The following PCNX1 variants were observed in gnomAD, a reference collection of about 807,000 sequenced individuals.
The protein encoded by PCNX1 is pecanex 1.
PCNX1 carries 78 observed loss-of-function variants against 242.2 expected under a neutral mutation model. That is an observed-to-expected ratio of 0.32 (90% CI 0.27 to 0.39). The LOEUF (loss-of-function observed/expected upper bound fraction) is 0.39, where lower values mean the gene tolerates loss of function less well. PCNX1 is among the 10% of genes least tolerant of loss of function. The pLI, the probability that PCNX1 is intolerant of heterozygous loss-of-function variation, is 1.00. For synonymous variants in PCNX1, 1,024 were observed against 1,032.9 expected (o/e 0.99, Z 0.17); for missense variants, 2,581 against 2,856.5 (o/e 0.90, Z 2.20).
At chr14:71,065,540 T>C (rs1332850024) in intron 26 of PCNX1, among the ~76,000 whole-genome samples, 2 of 152,216 alleles carry the variant, frequency 1.3e-5, no homozygotes, top group Non-Finnish European at 2.9e-5. Flanking sequence ...GATGGATAGA[T>C]TGCAAAAATT....
intron 13 of PCNX1, 123 bp from the exon 14 acceptor site, chr14:71,025,994 T>C: frequency 6.0e-6 from 3 of 502,692 alleles, no homozygotes; most frequent in Non-Finnish European, 1.0e-5. Flanking sequence ...TCTGTGATTG[T>C]CAGAAATCTG....
intron 26 of PCNX1, among the ~76,000 whole-genome samples, chr14:71,068,440 G>GTATATGTA (rs2061504976): frequency 6.7e-6 from 1 of 148,544 alleles, no homozygotes; most frequent in Non-Finnish European, 1.5e-5. Flanking sequence ...ATATATGTAT[G>GTATATGTA]TATATGTATA....
At chr14:71,073,480 C>G in intron 26 of PCNX1, 65 bp from the exon 27 acceptor site, 1 of 1,440,956 alleles carries the variant, frequency 6.9e-7, no homozygotes. Context: ...TCTTATGTGT[C>G]CTTGCATTCA....
rs1236361767 is a variant in PCNX1, at chr14:71,033,553, T to C, written c.3668+15T>C. The C allele has an allele frequency of 7.6e-7, 1 of 1,318,206 alleles. No individual in the cohort carries two copies. The highest frequency in any genetic ancestry group is 1.9e-5 in the Admixed American group (1 of 54,000). The allele number at this position is 1,318,206 out of a possible 1,614,324, so 81.7% of individuals were successfully genotyped here. A position where few individuals can be genotyped will look rare whatever the true frequency, so the allele number is the denominator to read the frequency against. Reference sequence around the variant, plus strand: ...TCTGTACTTTTGTAAGTGAACTCAATTGTTATTGAATTAAAAGAAATTTAA... The same window carrying C: ...TCTGTACTTTTGTAAGTGAACTCAACTGTTATTGAATTAAAAGAAATTTAA... On this transcript the variant is annotated intron_variant, in intron 17 of 35. Transcript: ENST00000304743.
intron 16 of PCNX1, among the ~76,000 whole-genome samples, chr14:71,030,235 C>T (rs1377722859): frequency 6.6e-6 from 1 of 152,150 alleles, no homozygotes; most frequent in African/African-American, 2.4e-5. Context: ...TTGGCATTTA[C>T]CTGTATAGAT....
Position 70,907,887 on chromosome 14 carries a change from G to T in PCNX1, c.37G>T (p.Val13Leu), listed in dbSNP as rs1161424471. The T allele has an allele frequency of 1.3e-6, 2 of 1,562,106 alleles. No individual in the cohort carries two copies. The highest frequency in any genetic ancestry group is 2.6e-5 in the East Asian group (1 of 38,620). Reference protein sequence around the residue: ...SQTLQILRQGVWAALSGGWYY... With the variant: ...SQTLQILRQGLWAALSGGWYY... ...GACGCTGCAGATCCTCCGACAGGGG[G>T]TGTGGGCCGCGCTCAGCGGGGGCTG... Residue 13 changes from valine to leucine, a missense_variant, in exon 1 of 36, where the codon GTG (valine) becomes TTG (leucine). Val to Leu is a conservative substitution (Grantham distance 32, BLOSUM62 1). Coordinates refer to ENST00000304743, the MANE Select transcript of PCNX1 (RefSeq NM_014982.3).
intron 7 of PCNX1, among the ~76,000 whole-genome samples, chr14:70,992,507 T>C (rs1401173997): frequency 1.3e-5 from 2 of 152,160 alleles, no homozygotes; most frequent in Non-Finnish European, 2.9e-5. Flanking sequence ...GTAATCATAC[T>C]CTTAGACTTT....
chr14:70,947,489 C>T (rs2092765021), intron 2 of PCNX1, among the ~76,000 whole-genome samples: 1 of 152,184 alleles, frequency 6.6e-6, no homozygotes, highest in South Asian at 2.1e-4. Flanking sequence ...ATTTCTTACG[C>T]CTGTCTTTAC....
At chr14:71,099,889 C>A (rs2062416440) in intron 30 of PCNX1, among the ~76,000 whole-genome samples, 1 of 152,114 alleles carries the variant, frequency 6.6e-6, no homozygotes, top group Non-Finnish European at 1.5e-5. Flanking sequence ...GGAATAGTGA[C>A]CCCTGCTCTT....
chr14:70,937,853 C>T (rs2057073597), intron 1 of PCNX1, among the ~76,000 whole-genome samples: 1 of 152,082 alleles, frequency 6.6e-6, no homozygotes, highest in Admixed American at 6.6e-5. Flanking sequence ...CCTTCACATC[C>T]CTTGTAAGTT....
chr14:71,026,021 A>G, intron 13 of PCNX1, 96 bp from the exon 14 acceptor site: 1 of 650,650 alleles, frequency 1.5e-6, no homozygotes, highest in Non-Finnish European at 2.4e-6. Flanking sequence ...ATATGGAAAA[A>G]GTTTGAATCC....
At chr14:71,028,825 AG>A (rs749045505) in intron 16 of PCNX1, 34 bp downstream of exon 16, 1 of 1,290,566 alleles carries the variant, frequency 7.7e-7, no homozygotes, top group African/African-American at 1.5e-5. Context: ...TTTGTCTTTA[AG>A]GCTATATTTC....
At chr14:70,962,648 C>T (rs1011306764) in intron 3 of PCNX1, among the ~76,000 whole-genome samples, 3 of 152,152 alleles carry the variant, frequency 2.0e-5, no homozygotes, top group African/African-American at 7.2e-5. Flanking sequence ...GTGTAGATGT[C>T]TGTGGTTACC....
At chr14:71,061,616 C>T (rs537429424) in intron 26 of PCNX1, among the ~76,000 whole-genome samples, 5 of 152,200 alleles carry the variant, frequency 3.3e-5, no homozygotes, top group Non-Finnish European at 7.3e-5. Flanking sequence ...GGAAGGATTA[C>T]ATCTATGACT....
At chr14:70,979,404 AGT>A (rs887627689) in intron 6 of PCNX1, among the ~76,000 whole-genome samples, 2 of 151,976 alleles carry the variant, frequency 1.3e-5, no homozygotes, top group African/African-American at 4.8e-5. Flanking sequence ...ATATTCTGTC[AGT>A]GTGTGTTGGC....
At chr14:70,969,428 G>A (rs2058474990) in intron 5 of PCNX1, among the ~76,000 whole-genome samples, 1 of 152,140 alleles carries the variant, frequency 6.6e-6, no homozygotes, top group African/African-American at 2.4e-5. Context: ...CCCAGCTTAG[G>A]GATAACCTAG....
chr14:71,095,599 A>G (rs1430469608), intron 30 of PCNX1, among the ~76,000 whole-genome samples: 1 of 152,212 alleles, frequency 6.6e-6, no homozygotes, highest in African/African-American at 2.4e-5. Context: ...GATTTCTTCT[A>G]AGCACATACA....
At chr14:71,100,819 G>A (rs1015679911) in intron 30 of PCNX1, among the ~76,000 whole-genome samples, 1 of 151,994 alleles carries the variant, frequency 6.6e-6, no homozygotes, top group Non-Finnish European at 1.5e-5. Flanking sequence ...TTGTCTGACT[G>A]AGTTATTCCA....
Position 71,102,027 on chromosome 14 carries a change from C to T in PCNX1, c.5627C>T (p.Thr1876Ile). ...TCTCCAGATGAATATGATGACCCTA[C>T]TGTGCTCTATGAAGCCATAGTATCT... is the stretch of plus-strand genomic sequence containing the variant. Reference protein sequence around the residue: ...FTSPDEYDDPTVLYEAIVSHE... With the variant: ...FTSPDEYDDPIVLYEAIVSHE... Residue 1876 changes from threonine (T) to isoleucine (I), a missense_variant, in exon 31 of 36, where the codon ACT becomes ATT. This residue lies in a region of PCNX1 where 298 missense variants were observed against 480.1 expected (regional missense o/e 0.62). Transcript: ENST00000304743. 6.2e-7 allele frequency: 1 copy of T among 1,612,514 alleles called. No individual in the cohort carries two copies. The highest frequency in any genetic ancestry group is 1.7e-5 in the Admixed American group (1 of 60,006).
Sources: gnomAD v4.1 joint callset for allele counts (sites outside exome capture counted in the v4.1 genomes callset) on GRCh38, gnomAD v4.1.1 for gene constraint, gnomAD v4.1.1 regional missense constraint, MANE v1.5 for transcripts, NCBI Gene and HGNC (gene_info 2026-07-23, HGNC 2026-07-21) for gene names.